The following IMMP2L variants were observed in gnomAD, a reference collection of about 807,000 sequenced individuals.
IMMP2L encodes inner mitochondrial membrane peptidase subunit 2, also known as mitochondrial inner membrane protease subunit 2.
A neutral mutation model predicts 19.3 loss-of-function variants in IMMP2L; 18 were observed. The ratio of observed to expected loss-of-function variants is 0.93; its 90% CI spans 0.64 to 1.38. The LOEUF is 1.38. Ranked by LOEUF, IMMP2L falls within the 40% of genes most tolerant of loss-of-function variation. IMMP2L has a pLI of 0.00. For synonymous variants in IMMP2L, 76 were observed against 73.0 expected (o/e 1.04, Z -0.21); for missense variants, 233 against 218.2 (o/e 1.07, Z -0.43).
chr7:111,517,592 A>C (rs1402258233), intron 2 of IMMP2L, among the ~76,000 whole-genome samples: 1 of 152,082 alleles, frequency 6.6e-6, no homozygotes, highest in African/African-American at 2.4e-5. Flanking sequence ...ATAAAATCTA[A>C]AACTTTGGCA....
chr7:110,747,654 A>G (rs1797441296), intron 5 of IMMP2L, among the ~76,000 whole-genome samples: 1 of 152,220 alleles, frequency 6.6e-6, no homozygotes, highest in Non-Finnish European at 1.5e-5. Flanking sequence ...AAACCACATG[A>G]TTATATCAAT....
intron 5 of IMMP2L, among the ~76,000 whole-genome samples, chr7:110,818,566 G>A (rs1802747410): frequency 6.6e-6 from 1 of 151,984 alleles, no homozygotes; most frequent in African/African-American, 2.4e-5. Context: ...CGATTCCTCA[G>A]GGATCTAGAA....
rs961609701 is a variant in IMMP2L at position 110,757,510 on chromosome 7, T to C, written c.409-93789A>G. On this transcript the variant is annotated intron_variant, in intron 5 of 5. Transcript: ENST00000405709. The surrounding 1 kb of genome is among the most constrained non-coding windows in gnomAD (Gnocchi z 4.2). ...TCCCAGGAGGTTATGTGGATTGTAGTAGTGGGCTCCTTTGCCCTCTGGCTT... is the reference window on the plus strand; with the variant it reads ...TCCCAGGAGGTTATGTGGATTGTAGCAGTGGGCTCCTTTGCCCTCTGGCTT... Among the ~76,000 whole-genome samples the C allele has an allele frequency of 6.6e-6, 1 of 152,060 alleles. No individual in the cohort carries two copies. Among genetic ancestry groups the C allele is most frequent in the Non-Finnish European group, 1.5e-5 (1 of 68,010 alleles).
chr7:111,479,312 G>A (rs769167476), intron 3 of IMMP2L, among the ~76,000 whole-genome samples: 15 of 151,692 alleles, frequency 9.9e-5, no homozygotes, highest in Non-Finnish European at 1.5e-4. Flanking sequence ...GTGCTCCAAT[G>A]CCTTTAGATA....
At chr7:111,313,838 A>G (rs559029577) in intron 3 of IMMP2L, among the ~76,000 whole-genome samples, 5 of 152,132 alleles carry the variant, frequency 3.3e-5, no homozygotes, top group Non-Finnish European at 7.3e-5. Flanking sequence ...TTCATGTTGA[A>G]CTGCAATCCC....
At chr7:111,443,182 T>C (rs1465725469) in intron 3 of IMMP2L, among the ~76,000 whole-genome samples, 4 of 151,872 alleles carry the variant, frequency 2.6e-5, no homozygotes, top group Admixed American at 2.6e-4. Flanking sequence ...ATTTTAAAAA[T>C]GAGAAAATAA....
intron 3 of IMMP2L, among the ~76,000 whole-genome samples, chr7:111,250,567 T>C (rs1345790216): frequency 6.6e-6 from 1 of 152,000 alleles, no homozygotes; most frequent in Non-Finnish European, 1.5e-5. Context: ...CATAGACCAA[T>C]GGAACAGAAT....
intron 2 of IMMP2L, among the ~76,000 whole-genome samples, chr7:111,500,139 C>T (rs188947632): frequency 3.2e-4 from 48 of 152,296 alleles, no homozygotes; most frequent in Non-Finnish European, 5.3e-4. Flanking sequence ...CTTAAAAAAA[C>T]GGCATACCAG....
chr7:110,854,912 T>C (rs1345486384), intron 5 of IMMP2L, among the ~76,000 whole-genome samples: 2 of 151,910 alleles, frequency 1.3e-5, no homozygotes, highest in African/African-American at 4.8e-5. Context: ...ATATTTGCTG[T>C]TGAATAAAGA....
chr7:111,077,480 A>C, intron 3 of IMMP2L, among the ~76,000 whole-genome samples: 1 of 152,300 alleles, frequency 6.6e-6, no homozygotes, highest in African/African-American at 2.4e-5. Flanking sequence ...CTTTTGTCAT[A>C]TCCCTTATAC....
intron 3 of IMMP2L, among the ~76,000 whole-genome samples, chr7:111,160,364 A>G (rs983447786): frequency 2.0e-5 from 3 of 152,106 alleles, no homozygotes; most frequent in African/African-American, 4.8e-5. Context: ...GCTTAGGTTT[A>G]TACATATTAG....
intron 3 of IMMP2L, among the ~76,000 whole-genome samples, chr7:111,385,962 C>A (rs1220328152): frequency 6.6e-6 from 1 of 151,834 alleles, no homozygotes; most frequent in Non-Finnish European, 1.5e-5. Context: ...CTCTGTCACC[C>A]AGGCTGGACT....
At chr7:110,775,910 A>G (rs1799353058) in intron 5 of IMMP2L, among the ~76,000 whole-genome samples, 1 of 152,026 alleles carries the variant, frequency 6.6e-6, no homozygotes, top group Non-Finnish European at 1.5e-5. Context: ...AGAGGCAACA[A>G]AGTCAACTTG....
intron 3 of IMMP2L, among the ~76,000 whole-genome samples, chr7:111,267,886 C>T (rs968338386): frequency 2.0e-5 from 3 of 151,954 alleles, no homozygotes; most frequent in Non-Finnish European, 4.4e-5. Flanking sequence ...AAAATAGTGT[C>T]GGTTCATTCT....
chr7:110,765,811 C>T (rs1177729281), intron 5 of IMMP2L, among the ~76,000 whole-genome samples: 1 of 152,116 alleles, frequency 6.6e-6, no homozygotes, highest in Non-Finnish European at 1.5e-5. Context: ...TAATAGCCAT[C>T]TATTTATTAA....
At chr7:111,492,828 C>A (rs533618383) in intron 2 of IMMP2L, among the ~76,000 whole-genome samples, 25 of 152,136 alleles carry the variant, frequency 1.6e-4, no homozygotes, top group Non-Finnish European at 3.4e-4. Flanking sequence ...AAGGAAGCAA[C>A]AGAGTTTTCT....
At chr7:110,905,490 A>G (rs1298199898) in intron 4 of IMMP2L, among the ~76,000 whole-genome samples, 2 of 152,108 alleles carry the variant, frequency 1.3e-5, no homozygotes, top group Non-Finnish European at 2.9e-5. Flanking sequence ...AAATATATAT[A>G]AGAGGATCTA....
At position 110,956,558 on chromosome 7, in the gene IMMP2L, T is replaced by C. The variant is rs1818374826; in HGVS notation, c.305+6942A>G. Among the ~76,000 whole-genome samples, 3 of 152,000 alleles carry C rather than the reference T, an allele frequency of 2.0e-5. No individual in the cohort carries two copies. In the South Asian group the frequency reaches 6.2e-4, roughly 31 times the overall value. ...AGGGCAACCATTTGTTTCTGCTTGT[T>C]TTGGCAGTCCCAGTTTACATTAACT... On this transcript the variant is annotated intron_variant, in intron 4 of 5. Transcript: ENST00000405709.
At chr7:110,766,929 T>TAA (rs910632647) in intron 5 of IMMP2L, among the ~76,000 whole-genome samples, 1 of 152,094 alleles carries the variant, frequency 6.6e-6, no homozygotes, top group African/African-American at 2.4e-5. Flanking sequence ...TGAGGAAACT[T>TAA]ACAGCAATTT....
Sources: allele counts gnomAD v4.1 joint callset (sites outside exome capture counted in the v4.1 genomes callset), GRCh38; gene constraint gnomAD v4.1.1; non-coding constraint Gnocchi (gnomAD v3.1); transcripts MANE v1.5; gene names NCBI Gene and HGNC (gene_info 2026-07-23, HGNC 2026-07-21).